GEN1: variants seen among roughly 807,000 people sequenced by gnomAD.
GEN1 encodes flap endonuclease GEN homolog 1.
Under a neutral mutation model 67.6 loss-of-function variants are expected in GEN1, and 64 were observed. The observed-to-expected ratio is 0.95, with a 90% confidence interval of 0.77 to 1.17. The LOEUF is 1.17. GEN1 is among the 50% of genes most tolerant of loss of function. The pLI, the probability that GEN1 is intolerant of heterozygous loss-of-function variation, is 0.00. For synonymous variants in GEN1, 371 were observed against 359.4 expected (o/e 1.03, Z -0.37); for missense variants, 1,058 against 1,048.3 (o/e 1.01, Z -0.13).
At chr2:17,778,833 T>C (rs1264394655) in intron 12 of GEN1, among the ~76,000 whole-genome samples, 2 of 152,198 alleles carry the variant, frequency 1.3e-5, no homozygotes, top group African/African-American at 4.8e-5. Context: ...GTCAAATTAT[T>C]CTTATTTTTG....
intron 3 of GEN1, among the ~76,000 whole-genome samples, chr2:17,764,414 T>A (rs2125126861): frequency 6.6e-6 from 1 of 152,360 alleles, no homozygotes; most frequent in Non-Finnish European, 1.5e-5. Flanking sequence ...TTTCAGAATC[T>A]GACTATAATA....
rs75795972 is a variant in GEN1, at chr2:17,765,180, C to T, written c.525+107C>T. 56,063 of 974,360 alleles carry T rather than the reference C, an allele frequency of 0.058. 1,720 individuals carry two copies. The highest frequency in any genetic ancestry group is 0.071 in the Middle Eastern group (224 of 3,152). The allele number at this position is 974,360 out of a possible 1,614,324, so 60.4% of individuals were successfully genotyped here. A position where few individuals can be genotyped will look rare whatever the true frequency, so the allele number is the denominator to read the frequency against. On this transcript the variant is annotated intron_variant, in intron 4 of 13. Transcript: ENST00000381254. ...AAAATGCTTACTGTAATGCCTTGCA[C>T]GTAGCAATTGCTAATTAAAATGCTT...
intron 12 of GEN1, among the ~76,000 whole-genome samples, chr2:17,778,669 A>G (rs1308734425): frequency 6.6e-6 from 1 of 152,044 alleles, no homozygotes; most frequent in African/African-American, 2.4e-5. Context: ...TTTTATTTAT[A>G]TTTCTCAAAT....
chr2:17,771,277 T>G lies in GEN1; in HGVS notation c.792T>G (p.Cys264Trp). The stretch of plus-strand genomic sequence containing the variant: ...AAAAACTGGCTCATTGTTCCGTATG[T>G]TCCCATCCAGGTAAGGAGACATAGG... The part of the protein sequence containing the change: ...VTKKLAHCSV[C>W]SHPGSPKDHE... Residue 264 changes from cysteine to tryptophan, a missense_variant, in exon 7 of 14, where the codon TGT (cysteine) becomes TGG (tryptophan). Physicochemically the swap from Cys to Trp is radical, Grantham distance 215. Coordinates refer to ENST00000381254, the MANE Select transcript of GEN1 (RefSeq NM_001130009.3). 5.6e-6 allele frequency: 9 copies of G among 1,595,650 alleles called. No individual in the cohort carries two copies. Among genetic ancestry groups the G allele is most frequent in the Non-Finnish European group, 7.7e-6 (9 of 1,163,570 alleles).
intron 2 of GEN1, 61 bp from the exon 3 acceptor site, chr2:17,761,335 C>A: frequency 1.1e-6 from 1 of 879,026 alleles, no homozygotes; most frequent in Non-Finnish European, 1.8e-6. Flanking sequence ...TTGTGTTATA[C>A]TATTTTGACT....
rs1016987641 is a variant in GEN1, at chr2:17,773,221, T to G, written c.993T>G (p.Val331=). ...TCTATTTTCTTTTTTCTTGCTAGGT[T>G]ATTCAAGAATTCCTTTTAAACAAGG... ...CCCEGFPFHE[V]IQEFLLNKDK... is the part of the protein sequence containing the mutation. The change falls in exon 10 of 14, where the codon GTT becomes GTG. Residue 331 remains valine (V), a splice_region_variant and synonymous_variant. Transcript: ENST00000381254. 17 of 1,591,594 alleles carry G rather than the reference T, an allele frequency of 1.1e-5. No homozygotes were observed. The highest frequency in any genetic ancestry group is 1.3e-5 in the Non-Finnish European group (15 of 1,163,828).
At chr2:17,778,248 G>GTATACACACATGTGTGTACATATATGTA (rs1672575023) in intron 12 of GEN1, among the ~76,000 whole-genome samples, 185 bp downstream of exon 12, 1 of 119,468 alleles carries the variant, frequency 8.4e-6, no homozygotes, top group African/African-American at 3.4e-5. Flanking sequence ...GTACATATAT[G>GTATACACACATGTGTGTACATATATGTA]TATACACACA....
chr2:17,781,834 T>C lies in GEN1; in HGVS notation c.2622T>C (p.Ser874=). The C allele has an allele frequency of 6.2e-7, 1 of 1,612,490 alleles. No homozygotes were observed. ...GTTTCCCAGATTCAACAAAAAGTTCTCTGAGTTCTCTACAATGTCATAAGA... is the reference window on the plus strand; with the variant it reads ...GTTTCCCAGATTCAACAAAAAGTTCCCTGAGTTCTCTACAATGTCATAAGA... ...ESCFPDSTKS[S]LSSLQCHKKE... Residue 874 remains serine, a synonymous_variant, in exon 14 of 14, where the codon TCT becomes TCC. Transcript: ENST00000381254.
At chr2:17,755,899 A>C (rs1671412701) in intron 1 of GEN1, 1 of 152,212 alleles carries the variant, frequency 6.6e-6, no homozygotes, top group Non-Finnish European at 1.5e-5. Flanking sequence ...TAGGAACTTA[A>C]ATTGATTTAT....
intron 3 of GEN1, 112 bp from the exon 4 acceptor site, chr2:17,764,781 TTTTA>T (rs1572396355): frequency 1.0e-6 from 1 of 961,836 alleles, no homozygotes; most frequent in East Asian, 2.8e-5. Flanking sequence ...ATATCGTAAT[TTTTA>T]AAACACCAAA....
intron 10 of GEN1, 102 bp downstream of exon 10, chr2:17,773,401 A>G (rs974461757): frequency 8.7e-6 from 6 of 689,226 alleles, no homozygotes; most frequent in Non-Finnish European, 1.5e-5. Context: ...TAAAATTAAA[A>G]CAGGCAGCTC....
At chr2:17,778,152 A>T in intron 12 of GEN1, 89 bp downstream of exon 12, 1 of 375,924 alleles carries the variant, frequency 2.7e-6, no homozygotes, top group Non-Finnish European at 4.7e-6. Flanking sequence ...ATATATATAT[A>T]TACACACACA....
In GEN1 at chr2:17,781,363, A is replaced by C. The variant is rs771010942; in HGVS notation, c.2151A>C (p.Ser717=). 2.5e-6 allele frequency: 4 copies of C among 1,613,952 alleles called. No individual in the cohort carries two copies. In the South Asian group the frequency reaches 4.4e-5, roughly 18 times the overall value. ...CIANSGSDCT[S]HLSKDLPGIP... ...CTAACAGTGGTTCTGATTGTACATC[A>C]CATCTTTCAAAGGATCTTCCAGGAA... The change falls in exon 14 of 14, where the codon TCA becomes TCC. Residue 717 remains serine (S), a synonymous_variant. Transcript: ENST00000381254.
In GEN1 at chr2:17,781,881, G is replaced by A; in HGVS notation, c.2669G>A (p.Cys890Tyr). The change falls in exon 14 of 14, where the codon TGT becomes TAT. Residue 890 changes from cysteine (C) to tyrosine (Y), a missense_variant. Physicochemically the swap from Cys to Tyr is radical, Grantham distance 194. Coordinates refer to ENST00000381254, the MANE Select transcript of GEN1 (RefSeq NM_001130009.3). ...CHKKENNSGT[C>Y]LDSPLPLRQR... ...AAGAAAGAAAACAACTCTGGTACTT[G>A]TTTGGATAGCCCTCTTCCTTTACGC... 1 of 1,593,952 alleles carries A rather than the reference G, an allele frequency of 6.3e-7. No individual in the cohort carries two copies. Among genetic ancestry groups the A allele is most frequent in the East Asian group, 2.2e-5 (1 of 44,800 alleles).
At chr2:17,770,590 G>C (rs530302800) in intron 6 of GEN1, among the ~76,000 whole-genome samples, 87 of 152,162 alleles carry the variant, frequency 5.7e-4, no homozygotes, top group African/African-American at 1.9e-3. Context: ...AGCCAAAAAC[G>C]AAATTAACTT....
Position 17,781,328 on chromosome 2 carries a change from T to C in GEN1, c.2116T>C (p.Ser706Pro), listed in dbSNP as rs565611091. Residue 706 changes from serine to proline, a missense_variant, in exon 14 of 14, where the codon TCT (serine) becomes CCT (proline). Physicochemically the swap from Ser to Pro is moderately conservative, Grantham distance 74. Coordinates refer to ENST00000381254, the MANE Select transcript of GEN1 (RefSeq NM_001130009.3). ...TTTGTCCATACTTAGTGTAAAAGAA[T>C]CTTGTATTGCTAACAGTGGTTCTGA... Reference protein sequence around the residue: ...KTLSILSVKESCIANSGSDCT... With the variant: ...KTLSILSVKEPCIANSGSDCT... 3 of 1,613,792 alleles carry C rather than the reference T, an allele frequency of 1.9e-6. No individual in the cohort carries two copies. In the East Asian group the frequency reaches 6.7e-5, roughly 36 times the overall value.
intron 12 of GEN1, 73 bp downstream of exon 12, chr2:17,778,136 G>GTATA: frequency 1.7e-6 from 1 of 580,744 alleles, no homozygotes; most frequent in Non-Finnish European, 3.1e-6. Flanking sequence ...TATTGTATAT[G>GTATA]TGTATATATA....
chr2:17,787,069 C>T lies in GEN1; in HGVS notation c.*5130C>T, dbSNP rs1673082578. On this transcript the variant is annotated 3_prime_UTR_variant, in exon 14 of 14. Transcript: ENST00000381254. ...CATTTGTTATTCCCTGCACGGATGT[C>T]TCTGCCTGAAATGCTTGCTGCTTCC... The T allele has an allele frequency of 6.6e-6, 1 of 152,208 alleles. No individual in the cohort carries two copies. Among genetic ancestry groups the T allele is most frequent in the South Asian group, 2.1e-4 (1 of 4,830 alleles). The allele number at this position is 152,208 out of a possible 1,614,324, so 9.4% of individuals were successfully genotyped here. A position where few individuals can be genotyped will look rare whatever the true frequency, so the allele number is the denominator to read the frequency against.
intron 12 of GEN1, among the ~76,000 whole-genome samples, chr2:17,778,338 A>G (rs1313767999): frequency 2.5e-5 from 1 of 40,442 alleles, no homozygotes; most frequent in African/African-American, 9.1e-5. Context: ...ACATATATGT[A>G]TACACACACA....
Sources: gnomAD v4.1 joint callset for allele counts (sites outside exome capture counted in the v4.1 genomes callset) on GRCh38, gnomAD v4.1.1 for gene constraint, MANE v1.5 for transcripts, NCBI Gene and HGNC (gene_info 2026-07-23, HGNC 2026-07-21) for gene names.